MGRN1: variants seen among roughly 807,000 people sequenced by gnomAD.
MGRN1 encodes the protein mahogunin ring finger 1.
In MGRN1, 29 loss-of-function variants were observed where a neutral mutation model predicts 69.2. That is an observed-to-expected ratio of 0.42 (90% CI 0.31 to 0.57). The LOEUF is 0.57. MGRN1 is among the 20% of genes least tolerant of loss of function. MGRN1 has a pLI of 0.15. For missense variants in MGRN1, 998 were observed against 796.2 expected (o/e 1.25, Z -3.05); for synonymous variants, 470 against 344.2 (o/e 1.37, Z -4.04).
chr16:4,677,711 G>A (rs1205859308), intron 11 of MGRN1, 139 bp downstream of exon 11: 7 of 807,926 alleles, frequency 8.7e-6, no homozygotes, highest in South Asian at 7.1e-5. Flanking sequence ...ATGGATGGCT[G>A]TGAGGCATGA....
intron 1 of MGRN1, among the ~76,000 whole-genome samples, chr16:4,632,254 C>T (rs866822): frequency 0.27 from 40,848 of 151,508 alleles, 6,977 homozygotes; most frequent in African/African-American, 0.49. Flanking sequence ...GACCTTTTGA[C>T]CCGCCTACCT....
intron 13 of MGRN1, among the ~76,000 whole-genome samples, chr16:4,682,224 G>A (rs963726846): frequency 1.3e-5 from 2 of 152,212 alleles, no homozygotes; most frequent in East Asian, 1.9e-4. Context: ...CTTGCCGTTC[G>A]CCCGTGACGA....
chr16:4,662,446 G>A (rs1163159970), intron 5 of MGRN1, among the ~76,000 whole-genome samples: 1 of 151,746 alleles, frequency 6.6e-6, no homozygotes, highest in African/African-American at 2.4e-5. Flanking sequence ...AACCCAGGGG[G>A]TGGAGGTTGC....
At chr16:4,650,699 G>C in intron 2 of MGRN1, 1 of 429,670 alleles carries the variant, frequency 2.3e-6, no homozygotes, top group Non-Finnish European at 4.1e-6. Context: ...GCCAGGGGCA[G>C]GTCACTGAGA....
intron 1 of MGRN1, among the ~76,000 whole-genome samples, chr16:4,637,242 C>T (rs1159621083): frequency 6.6e-6 from 1 of 150,742 alleles, no homozygotes; most frequent in African/African-American, 2.4e-5. Flanking sequence ...CCAGCCCGGC[C>T]AACATGGTGA....
At chr16:4,641,770 C>T (rs1353336096) in intron 1 of MGRN1, among the ~76,000 whole-genome samples, 6 of 152,074 alleles carry the variant, frequency 3.9e-5, no homozygotes, top group South Asian at 2.1e-4. Context: ...TCGCCTGCCT[C>T]GGCCTCCCAA....
intron 1 of MGRN1, among the ~76,000 whole-genome samples, chr16:4,647,773 C>T (rs920304049): frequency 5.3e-5 from 8 of 152,136 alleles, no homozygotes; most frequent in East Asian, 3.9e-4. Context: ...AAGCAGTTGC[C>T]GCTTTCTTCT....
intron 1 of MGRN1, among the ~76,000 whole-genome samples, chr16:4,640,999 T>C (rs2141849118): frequency 6.6e-6 from 1 of 152,352 alleles, no homozygotes. Flanking sequence ...GGCGCTGACC[T>C]CAGCAGGTGT....
Position 4,675,034 on chromosome 16 carries a change from A to C in MGRN1, c.955+1377A>C, listed in dbSNP as rs1187830832. ...GTTGCCTAGGCTGGAGTACAGTGGC[A>C]GGATCTTGGCTCACTGTAACCTCTG... On this transcript the variant is annotated intron_variant, in intron 10 of 16. Transcript: ENST00000262370. Among the ~76,000 whole-genome samples, 4 of 152,238 alleles carry C rather than the reference A, an allele frequency of 2.6e-5. No individual in the cohort carries two copies. In the East Asian group the frequency reaches 7.7e-4, roughly 29 times the overall value.
At chr16:4,680,182 C>G in intron 12 of MGRN1, 85 bp downstream of exon 12, 1 of 1,334,550 alleles carries the variant, frequency 7.5e-7, no homozygotes, top group South Asian at 1.2e-5. Flanking sequence ...CGTTTCCGCC[C>G]CAGGCTAGTG....
In MGRN1 at chr16:4,658,700, G is replaced by C. The variant is rs561425456; in HGVS notation, c.561+1337G>C. ...CCACTCTCTGTAAAAAGCCTCCCTTGTCCTTGCATTAAAAATAAAACAAGC... is the reference window on the plus strand; with the variant it reads ...CCACTCTCTGTAAAAAGCCTCCCTTCTCCTTGCATTAAAAATAAAACAAGC... On this transcript the variant is annotated intron_variant, in intron 5 of 16. Coordinates refer to ENST00000262370, the MANE Select transcript of MGRN1 (RefSeq NM_015246.4). Among the ~76,000 whole-genome samples, 12 of 151,218 alleles carry C rather than the reference G, an allele frequency of 7.9e-5. No individual in the cohort carries two copies. The South Asian group carries it at 2.1e-3, about 26-fold the overall frequency.
chr16:4,656,302 A>AG (rs1278233069), intron 4 of MGRN1, among the ~76,000 whole-genome samples: 3 of 152,088 alleles, frequency 2.0e-5, no homozygotes, highest in Non-Finnish European at 4.4e-5. Flanking sequence ...GGTGTCCCCC[A>AG]GGGGCCCTGA....
chr16:4,675,123 C>G (rs2079028273), intron 10 of MGRN1, among the ~76,000 whole-genome samples: 1 of 152,094 alleles, frequency 6.6e-6, no homozygotes, highest in African/African-American at 2.4e-5. Flanking sequence ...CAGGCATGTG[C>G]CACCATGCCC....
chr16:4,688,751 C>G (rs367801818), intron 16 of MGRN1, 45 bp from the exon 17 acceptor site: 1 of 1,510,930 alleles, frequency 6.6e-7, no homozygotes, highest in East Asian at 2.5e-5. Flanking sequence ...TGGCGTGGCA[C>G]CAGGCATCCG....
chr16:4,656,192 C>T (rs752684284), intron 4 of MGRN1, among the ~76,000 whole-genome samples: 2 of 152,210 alleles, frequency 1.3e-5, no homozygotes, highest in Non-Finnish European at 2.9e-5. Flanking sequence ...CTGCTTGAGG[C>T]ACCTGTCTTA....
intron 14 of MGRN1, 133 bp from the exon 15 acceptor site, chr16:4,683,091 T>A: frequency 6.6e-7 from 1 of 1,505,142 alleles, no homozygotes; most frequent in Non-Finnish European, 9.0e-7. Context: ...CTCCTTAGCC[T>A]CGGTCTGTGG....
At chr16:4,681,363 C>G (rs1352587955) in intron 12 of MGRN1, 187 bp from the exon 13 acceptor site, 1 of 596,506 alleles carries the variant, frequency 1.7e-6, no homozygotes, top group Admixed American at 3.2e-5. Flanking sequence ...GGCATCCAGC[C>G]CCGTGCTGGA....
intron 1 of MGRN1, among the ~76,000 whole-genome samples, chr16:4,647,901 G>T (rs1262527996): frequency 6.6e-6 from 1 of 152,096 alleles, no homozygotes; most frequent in Non-Finnish European, 1.5e-5. Flanking sequence ...ACCTGGCTCT[G>T]GGCCACCTCC....
At position 4,644,413 on chromosome 16, in the gene MGRN1, C is replaced by T. The variant is rs559010598; in HGVS notation, c.89-5952C>T. ...GCAACCTCTGCCTCCCAGGTTCAAG[C>T]GATTTTCCTGCCTCAGCCTCCCAAG... On this transcript the variant is annotated intron_variant, in intron 1 of 16. Coordinates refer to ENST00000262370, the MANE Select transcript of MGRN1 (RefSeq NM_015246.4). 2.5e-4 allele frequency among the ~76,000 whole-genome samples: 37 copies of T among 150,876 alleles called. 1 individual carries two copies. The South Asian group carries it at 6.5e-3, about 26-fold the overall frequency.
Sources: gnomAD v4.1 joint callset for allele counts (sites outside exome capture counted in the v4.1 genomes callset) on GRCh38, gnomAD v4.1.1 for gene constraint, MANE v1.5 for transcripts, NCBI Gene and HGNC (gene_info 2026-07-23, HGNC 2026-07-21) for gene names.